CDH23: variants seen among roughly 807,000 people sequenced by gnomAD.
The protein encoded by CDH23 is cadherin-23.
CDH23 carries 189 observed loss-of-function variants against 317.1 expected under a neutral mutation model. The ratio of observed to expected loss-of-function variants is 0.60; its 90% CI spans 0.53 to 0.67. The LOEUF (loss-of-function observed/expected upper bound fraction) is 0.67. Among genes scored for constraint, CDH23 ranks in the 30% least tolerant of loss-of-function variants. The pLI is 0.00. For synonymous variants in CDH23, 1,839 were observed against 1,876.8 expected (o/e 0.98, Z 0.52); for missense variants, 4,401 against 4,592.4 (o/e 0.96, Z 1.20).
chr10:71,785,512 G>T, intron 43 of CDH23, 119 bp from the exon 44 acceptor site: 1 of 683,364 alleles, frequency 1.5e-6, no homozygotes. Flanking sequence ...CACATTTTTG[G>T]CCTTCTAGAT....
chr10:71,446,234 G>T (rs1218582463), intron 2 of CDH23, 84 bp from the exon 3 acceptor site: 21 of 1,310,144 alleles, frequency 1.6e-5, no homozygotes, highest in Non-Finnish European at 2.3e-5. Flanking sequence ...AGTGCCCACT[G>T]CAGCCCTCAC....
rs151217609 is a variant in CDH23, at chr10:71,466,369, T to C, written c.145+19974T>C. Among the ~76,000 whole-genome samples, 8 of 152,252 alleles carry C rather than the reference T, an allele frequency of 5.3e-5. No homozygotes were observed. The East Asian group carries it at 1.4e-3, about 26-fold the overall frequency. ...GTACCAGCTCATGTGTGTGTGCTCATGTGTGTCCCTGCCCGTGTGTGATAG... is the reference window on the plus strand; with the variant it reads ...GTACCAGCTCATGTGTGTGTGCTCACGTGTGTCCCTGCCCGTGTGTGATAG... On this transcript the variant is annotated intron_variant, in intron 3 of 69. Coordinates refer to ENST00000224721, the MANE Select transcript of CDH23 (RefSeq NM_022124.6).
intron 6 of CDH23, among the ~76,000 whole-genome samples, chr10:71,545,074 C>T (rs184750003): frequency 9.2e-5 from 14 of 152,292 alleles, no homozygotes; most frequent in African/African-American, 2.9e-4. Context: ...AGGAGGGATT[C>T]GCATCCACTA....
chr10:71,511,091 G>T (rs1418829342), intron 5 of CDH23, 29 bp from the exon 6 acceptor site: 1 of 1,611,962 alleles, frequency 6.2e-7, no homozygotes, highest in African/African-American at 1.3e-5. Flanking sequence ...TCAGGTGGCG[G>T]CGCTAATTGC....
chr10:71,709,138 T>G lies in CDH23; in HGVS notation c.3147T>G (p.Asp1049Glu). Residue 1049 changes from aspartate to glutamate, a missense_variant, in exon 27 of 70, where the codon GAT becomes GAG. By Grantham distance (45) the Asp-to-Glu change is conservative. This residue lies in a region of CDH23 where 3,068 missense variants were observed against 3,203.3 expected (regional missense o/e 0.96). Coordinates refer to ENST00000224721, the MANE Select transcript of CDH23 (RefSeq NM_022124.6). ...VDGKFSVGYR[D>E]AVVRTVVGLD... is the part of the protein sequence containing the mutation. ...GGAAGTTCAGCGTGGGTTACCGCGA[T>G]GCCGTTGTGAGAACCGTGGTGGGCC... The G allele has an allele frequency of 6.2e-7, 1 of 1,613,994 alleles. No individual in the cohort carries two copies. Among genetic ancestry groups the G allele is most frequent in the South Asian group, 1.1e-5 (1 of 91,080 alleles).
intron 14 of CDH23, among the ~76,000 whole-genome samples, chr10:71,667,400 G>T: frequency 7.0e-6 from 1 of 143,826 alleles, no homozygotes; most frequent in East Asian, 2.1e-4. Context: ...GTGTGTGCGC[G>T]TGTGTGTGTG....
chr10:71,426,064 TC>T (rs1849064111), intron 1 of CDH23, among the ~76,000 whole-genome samples: 4 of 152,142 alleles, frequency 2.6e-5, no homozygotes, highest in Admixed American at 2.6e-4. Context: ...CTGGCTCCCC[TC>T]CCACCCCTCT....
At chr10:71,485,393 T>C (rs1361023194) in intron 3 of CDH23, among the ~76,000 whole-genome samples, 1 of 152,234 alleles carries the variant, frequency 6.6e-6, no homozygotes, top group African/African-American at 2.4e-5. Context: ...GCTCAGGGAA[T>C]GAATGACACC....
intron 6 of CDH23, among the ~76,000 whole-genome samples, chr10:71,520,406 C>A (rs544887824): frequency 9.3e-4 from 142 of 152,332 alleles, no homozygotes; most frequent in Non-Finnish European, 1.5e-3. Flanking sequence ...TTAATCCAGC[C>A]GCACACTCTG....
chr10:71,498,083 G>A (rs1853073930), intron 3 of CDH23, among the ~76,000 whole-genome samples: 1 of 152,188 alleles, frequency 6.6e-6, no homozygotes, highest in Admixed American at 6.5e-5. Flanking sequence ...GTGGACCTCT[G>A]CACTTTGGCC....
intron 3 of CDH23, among the ~76,000 whole-genome samples, chr10:71,467,283 T>A (rs1851301208): frequency 6.6e-6 from 1 of 152,184 alleles, no homozygotes; most frequent in African/African-American, 2.4e-5. Flanking sequence ...TAGGTGATAA[T>A]GTATGCCAGT....
chr10:71,780,407 G>T (rs1230026634), intron 41 of CDH23, among the ~76,000 whole-genome samples: 1 of 152,196 alleles, frequency 6.6e-6, no homozygotes, highest in Non-Finnish European at 1.5e-5. Context: ...GGCAGCAATT[G>T]TAGGTTGGCA....
At chr10:71,630,940 A>G (rs1589278560) in intron 11 of CDH23, among the ~76,000 whole-genome samples, 1 of 152,274 alleles carries the variant, frequency 6.6e-6, no homozygotes, top group East Asian at 1.9e-4. Context: ...GCCAACACCC[A>G]GATTGTATTT....
chr10:71,526,733 T>C (rs17634858), intron 6 of CDH23, among the ~76,000 whole-genome samples: 114,055 of 152,140 alleles, frequency 0.75, 43,269 homozygotes, highest in East Asian at 0.88. Flanking sequence ...TCATGGAGAC[T>C]GCATGCGTCA....
chr10:71,594,649 A>G lies in CDH23; in HGVS notation c.832+16657A>G, dbSNP rs567471750. 3.3e-5 allele frequency among the ~76,000 whole-genome samples: 5 copies of G among 152,276 alleles called. No homozygotes were observed. The East Asian group carries it at 9.7e-4, about 29-fold the overall frequency. On this transcript the variant is annotated intron_variant, in intron 9 of 69. Transcript: ENST00000224721. ...CTTGGCCTCCCAAAGTGCTGGGATTACAGGCATGAGCCACCGCACCCAGCC... is the reference window on the plus strand; with the variant it reads ...CTTGGCCTCCCAAAGTGCTGGGATTGCAGGCATGAGCCACCGCACCCAGCC...
intron 11 of CDH23, among the ~76,000 whole-genome samples, chr10:71,619,528 C>T (rs1861363696): frequency 6.6e-6 from 1 of 152,108 alleles, no homozygotes; most frequent in Non-Finnish European, 1.5e-5. Context: ...TTCAGGAGAA[C>T]CATAATGCCC....
chr10:71,716,263 A>G, intron 28 of CDH23: 1 of 1,542,828 alleles, frequency 6.5e-7, no homozygotes, highest in Non-Finnish European at 8.8e-7. Context: ...GGGTCCCGGG[A>G]GTGACGGGAG....
chr10:71,811,530 C>A lies in CDH23; in HGVS notation c.9218C>A (p.Ala3073Asp). 6.2e-7 allele frequency: 1 copy of A among 1,613,894 alleles called. No individual in the cohort carries two copies. Among genetic ancestry groups the A allele is most frequent in the Non-Finnish European group, 8.5e-7 (1 of 1,179,900 alleles). Residue 3073 changes from alanine to aspartate, a missense_variant, in exon 64 of 70, where the codon GCT (alanine) becomes GAT (aspartate). Coordinates refer to ENST00000224721, the MANE Select transcript of CDH23 (RefSeq NM_022124.6). The part of the protein sequence containing the change: ...SALQMAIIVL[A>D]ILLFLAAMLF... ...CCGCAGATGGCGATCATCGTCCTGG[C>A]TATCCTCCTGTTCCTGGCCGCCATG... is the stretch of plus-strand genomic sequence containing the variant.
At chr10:71,715,833 G>A in intron 28 of CDH23, 1 of 1,199,296 alleles carries the variant, frequency 8.3e-7, no homozygotes, top group Non-Finnish European at 1.1e-6. Context: ...GTCCCAGACT[G>A]CTTGGGCCAC....
Sources: gnomAD v4.1 joint callset for allele counts (sites outside exome capture counted in the v4.1 genomes callset) on GRCh38, gnomAD v4.1.1 for gene constraint, gnomAD v4.1.1 regional missense constraint, MANE v1.5 for transcripts, NCBI Gene and HGNC (gene_info 2026-07-23, HGNC 2026-07-21) for gene names.